PHF21B: variants seen among roughly 807,000 people sequenced by gnomAD.
PHF21B encodes the protein PHD finger protein 4.
A neutral mutation model predicts 62.2 loss-of-function variants in PHF21B; 22 were observed. That is an observed-to-expected ratio of 0.35 (90% CI 0.25 to 0.51). The LOEUF is 0.51. Among genes scored for constraint, PHF21B ranks in the 20% least tolerant of loss-of-function variants. The pLI is 0.97. For missense variants in PHF21B, 701 were observed against 707.9 expected (o/e 0.99, Z 0.11); for synonymous variants, 341 against 314.7 (o/e 1.08, Z -0.88).
intron 2 of PHF21B, among the ~76,000 whole-genome samples, chr22:44,927,576 C>A (rs916242240): frequency 1.3e-5 from 2 of 152,166 alleles, no homozygotes; most frequent in African/African-American, 2.4e-5. Context: ...TCGAACACTG[C>A]CATCCCCTTC....
At chr22:44,959,626 C>T (rs938608244) in intron 2 of PHF21B, among the ~76,000 whole-genome samples, 3 of 152,190 alleles carry the variant, frequency 2.0e-5, no homozygotes, top group Admixed American at 6.5e-5. Flanking sequence ...TCAAGATGCA[C>T]CCAGGTGGTC....
chr22:44,929,620 C>A (rs990763658), intron 2 of PHF21B, among the ~76,000 whole-genome samples: 5 of 152,250 alleles, frequency 3.3e-5, no homozygotes, highest in Non-Finnish European at 7.3e-5. Context: ...ATTGCTCCCC[C>A]ACCTCCAAAG....
At chr22:44,948,351 A>G (rs1411925983) in intron 2 of PHF21B, among the ~76,000 whole-genome samples, 1 of 151,624 alleles carries the variant, frequency 6.6e-6, no homozygotes, top group Non-Finnish European at 1.5e-5. Flanking sequence ...TGTCCAGTCT[A>G]CTCCATCATC....
chr22:44,936,797 G>A (rs937256749), intron 2 of PHF21B, among the ~76,000 whole-genome samples: 6 of 151,076 alleles, frequency 4.0e-5, no homozygotes, highest in African/African-American at 7.3e-5. Flanking sequence ...CTCTCACTGC[G>A]CTTTTATTAG....
intron 5 of PHF21B, 66 bp from the exon 6 acceptor site, chr22:44,896,149 A>C: frequency 1.9e-6 from 3 of 1,573,094 alleles, no homozygotes; most frequent in Non-Finnish European, 2.6e-6. Flanking sequence ...CACTCAACAA[A>C]CATCTGCTGT....
At chr22:44,941,214 A>C (rs1338641001) in intron 2 of PHF21B, among the ~76,000 whole-genome samples, 2 of 152,180 alleles carry the variant, frequency 1.3e-5, no homozygotes, top group Non-Finnish European at 2.9e-5. Context: ...CCAGAGGAAG[A>C]TTCCCAGTCA....
Position 44,950,046 on chromosome 22 carries a change from G to A in PHF21B, c.121-29556C>T, listed in dbSNP as rs1423517657. Among the ~76,000 whole-genome samples, 4 of 152,184 alleles carry A rather than the reference G, an allele frequency of 2.6e-5. No homozygotes were observed. In the East Asian group the frequency reaches 7.7e-4, roughly 29 times the overall value. On this transcript the variant is annotated intron_variant, in intron 2 of 12. Transcript: ENST00000313237. ...CTCTTTGACCTGAGTAATGAAACCA[G>A]AAAGCCGTCCAGCCATGGCAGTCTC...
chr22:44,991,952 G>A (rs895947443), intron 2 of PHF21B, among the ~76,000 whole-genome samples: 3 of 152,244 alleles, frequency 2.0e-5, no homozygotes, highest in Non-Finnish European at 4.4e-5. Flanking sequence ...TAATGAAGCT[G>A]TTGGCTGGGT....
chr22:44,936,505 C>T (rs9626592), intron 2 of PHF21B, among the ~76,000 whole-genome samples: 9,977 of 152,276 alleles, frequency 0.066, 421 homozygotes, highest in African/African-American at 0.11. Context: ...GCTGCCCACT[C>T]GAGACAGGAC....
intron 2 of PHF21B, among the ~76,000 whole-genome samples, chr22:44,930,946 G>A (rs1040591282): frequency 1.1e-4 from 17 of 152,198 alleles, no homozygotes; most frequent in African/African-American, 1.9e-4. Flanking sequence ...TGACAGCCCC[G>A]ATACCCAGCA....
chr22:44,913,341 C>T (rs2071377888), intron 5 of PHF21B, among the ~76,000 whole-genome samples: 1 of 152,190 alleles, frequency 6.6e-6, no homozygotes. Flanking sequence ...GAGCCCCTTT[C>T]CCTCCTAGAC....
At chr22:44,928,868 G>A (rs2071685463) in intron 2 of PHF21B, among the ~76,000 whole-genome samples, 1 of 152,210 alleles carries the variant, frequency 6.6e-6, no homozygotes, top group Non-Finnish European at 1.5e-5. Flanking sequence ...AGGCCCTGGG[G>A]CTGCAGAGGC....
chr22:44,963,045 T>C (rs1190078156), intron 2 of PHF21B, among the ~76,000 whole-genome samples: 1 of 152,232 alleles, frequency 6.6e-6, no homozygotes, highest in East Asian at 1.9e-4. Context: ...CATCTGGAAA[T>C]GAGGAAGCTG....
rs2073370010 is a variant in PHF21B, at chr22:45,008,622, CG to C, written c.55-13del. The C allele has an allele frequency of 6.4e-7, 1 of 1,568,610 alleles. No individual in the cohort carries two copies. Among genetic ancestry groups the C allele is most frequent in the African/African-American group, 1.4e-5 (1 of 73,762 alleles). ...TTGAGGTCGCCGTTCTGCGGAAACA[CG>C]GAGGAGCGGGCTCAGGCAGGCCACC... On this transcript the variant is annotated splice_polypyrimidine_tract_variant and intron_variant, in intron 1 of 12. Coordinates refer to ENST00000313237, the MANE Select transcript of PHF21B (RefSeq NM_138415.5).
chr22:45,006,036 C>A (rs1337375001), intron 2 of PHF21B, among the ~76,000 whole-genome samples: 1 of 152,120 alleles, frequency 6.6e-6, no homozygotes, highest in African/African-American at 2.4e-5. Context: ...CAAACTCTCC[C>A]AAGGAGAGGG....
intron 5 of PHF21B, among the ~76,000 whole-genome samples, chr22:44,899,114 T>G (rs752434577): frequency 3.3e-5 from 5 of 152,312 alleles, no homozygotes; most frequent in Middle Eastern, 6.8e-3. Context: ...CTGGCTCTTC[T>G]TATTTTTTCA....
chr22:45,008,571 G>C lies in PHF21B; in HGVS notation c.94C>G (p.Arg32Gly). ...TGTTTGTCGCTGAGCGCGGCGATCCGCGGCTGCCTTTCGTGGAGCTGCTTC... is the reference window on the plus strand; with the variant it reads ...TGTTTGTCGCTGAGCGCGGCGATCCCCGGCTGCCTTTCGTGGAGCTGCTTC... ...LKKQLHERQP[R>G]IAALSDKQAL... is the part of the protein sequence containing the mutation. The change falls in exon 2 of 13, where the codon CGG (arginine) becomes GGG (glycine). Residue 32 changes from arginine (R) to glycine (G), a missense_variant. By Grantham distance (125) the Arg-to-Gly change is moderately radical (BLOSUM62 -2). Coordinates refer to ENST00000313237, the MANE Select transcript of PHF21B (RefSeq NM_138415.5). The C allele has an allele frequency of 6.3e-7, 1 of 1,589,518 alleles. No homozygotes were observed. The highest frequency in any genetic ancestry group is 8.6e-7 in the Non-Finnish European group (1 of 1,168,742).
intron 10 of PHF21B, among the ~76,000 whole-genome samples, chr22:44,886,278 G>C (rs888672994): frequency 4.0e-5 from 6 of 151,372 alleles, no homozygotes; most frequent in Admixed American, 4.0e-4. Flanking sequence ...GGGACAAATG[G>C]AGAGACTCGA....
chr22:44,965,393 T>G (rs1426481086), intron 2 of PHF21B, among the ~76,000 whole-genome samples: 3 of 151,994 alleles, frequency 2.0e-5, no homozygotes, highest in East Asian at 3.9e-4. Context: ...CTGCACCCAG[T>G]GGAGCTCACC....
Sources: allele counts gnomAD v4.1 joint callset (sites outside exome capture counted in the v4.1 genomes callset), GRCh38; gene constraint gnomAD v4.1.1; transcripts MANE v1.5; gene names NCBI Gene and HGNC (gene_info 2026-07-23, HGNC 2026-07-21).